The following HTR2C variants were observed in gnomAD, a reference collection of about 807,000 sequenced individuals.
HTR2C encodes the protein 5-hydroxytryptamine receptor 2C.
HTR2C carries 5 observed loss-of-function variants against 21.0 expected under a neutral mutation model. The ratio of observed to expected loss-of-function variants is 0.24; its 90% CI spans 0.12 to 0.50. HTR2C has a LOEUF of 0.50. Among genes scored for constraint, HTR2C ranks in the 20% least tolerant of loss-of-function variants. The pLI, the probability that HTR2C is intolerant of heterozygous loss-of-function variation, is 0.98. For synonymous variants in HTR2C, 150 were observed against 145.3 expected (o/e 1.03, Z -0.23); for missense variants, 271 against 371.2 (o/e 0.73, Z 2.22).
chrX:114,745,701 A>T (rs1298837214), intron 4 of HTR2C, among the ~76,000 whole-genome samples: 1 of 112,067 alleles, frequency 8.9e-6, no homozygotes, highest in East Asian at 2.8e-4. Flanking sequence ...TAATCCAGAC[A>T]CAGGAAGACA....
intron 1 of HTR2C, among the ~76,000 whole-genome samples, chrX:114,598,956 G>T (rs1362885421): frequency 3.0e-5 from 1 of 33,522 alleles, no homozygotes; most frequent in Non-Finnish European, 7.0e-5. Context: ...TGGCAAAACT[G>T]CAGAGAGAAC....
At chrX:114,704,764 A>G (rs1556417672) in intron 2 of HTR2C, among the ~76,000 whole-genome samples, 1 of 109,395 alleles carries the variant, frequency 9.1e-6, no homozygotes. Context: ...AGGACGTCAA[A>G]TTGTCCCTGT....
At chrX:114,782,249 A>G (rs1050306784) in intron 4 of HTR2C, among the ~76,000 whole-genome samples, 1 of 111,252 alleles carries the variant, frequency 9.0e-6, no homozygotes, top group Non-Finnish European at 1.9e-5. Flanking sequence ...ACAGATGAAA[A>G]CAGAGGAACT....
At chrX:114,614,071 G>GAAA (rs1217072844) in intron 2 of HTR2C, among the ~76,000 whole-genome samples, 190 bp downstream of exon 2, 1 of 102,812 alleles carries the variant, frequency 9.7e-6, no homozygotes, top group African/African-American at 3.5e-5. Context: ...AATGCAACCT[G>GAAA]AAAAAAAAAA....
chrX:114,806,462 CACCATATATATAT>C lies in HTR2C; in HGVS notation c.350-41538_350-41526del, dbSNP rs1556449759. On this transcript the variant is annotated intron_variant, in intron 4 of 5. Coordinates refer to ENST00000276198, the MANE Select transcript of HTR2C (RefSeq NM_000868.4). ...CATATATATATACTGTATATATATACACCATATATATATACTGTATATATATACACCATATATA... is the reference window on the plus strand; with the variant it reads ...CATATATATATACTGTATATATATACACTGTATATATATACACCATATATA... Among the ~76,000 whole-genome samples the C allele has an allele frequency of 1.5e-3, 126 of 81,560 alleles. 14 individuals carry two copies. Among genetic ancestry groups the C allele is most frequent in the Middle Eastern group, 0.041 (2 of 49 alleles). 70.8% of individuals were successfully genotyped at this position (81,560 alleles called of 115,157 possible). A position where few individuals can be genotyped will look rare whatever the true frequency, so the allele number is the denominator to read the frequency against.
intron 4 of HTR2C, among the ~76,000 whole-genome samples, chrX:114,836,513 C>G (rs1602860196): frequency 8.9e-6 from 1 of 112,315 alleles, no homozygotes; most frequent in African/African-American, 3.2e-5. Flanking sequence ...AAAGGGAACT[C>G]CCTGACCCCT....
intron 4 of HTR2C, among the ~76,000 whole-genome samples, chrX:114,742,400 A>G (rs1556425462): frequency 9.0e-6 from 1 of 111,180 alleles, no homozygotes; most frequent in Middle Eastern, 4.2e-3. Context: ...TGTGGGACAG[A>G]CTCAAAGCAG....
At chrX:114,721,717 G>A (rs1933224418) in intron 2 of HTR2C, among the ~76,000 whole-genome samples, 1 of 110,244 alleles carries the variant, frequency 9.1e-6, no homozygotes, top group Admixed American at 9.7e-5. Flanking sequence ...AAGGGATCCA[G>A]TTTCAGCTTT....
chrX:114,717,730 G>C (rs1451236453), intron 2 of HTR2C: 4 of 111,692 alleles, frequency 3.6e-5, no homozygotes, highest in African/African-American at 1.3e-4. Flanking sequence ...CAAGGCAAGC[G>C]TTTTCAATAA....
At chrX:114,881,465 A>G (rs1181798746) in intron 5 of HTR2C, among the ~76,000 whole-genome samples, 2 of 106,879 alleles carry the variant, frequency 1.9e-5, no homozygotes, top group African/African-American at 6.8e-5. Context: ...GTACAGTCTT[A>G]CCCCTTACTT....
In HTR2C at chrX:114,807,315, ATC is replaced by A. The variant is rs782244405; in HGVS notation, c.350-40686_350-40685del. On this transcript the variant is annotated intron_variant, in intron 4 of 5. Transcript: ENST00000276198. ...TATATACCATGTATATACACCATAT[ATC>A]TATACCATATATATACACCATGTAT... Among the ~76,000 whole-genome samples the A allele has an allele frequency of 1.6e-3, 16 of 9,774 alleles. 3 individuals are homozygous for A. Among genetic ancestry groups the A allele is most frequent in the Admixed American group, 2.4e-3 (1 of 411 alleles). The allele number at this position is 9,774 out of a possible 115,157, so 8.5% of individuals were successfully genotyped here.
chrX:114,702,585 G>A (rs868912667), intron 2 of HTR2C, among the ~76,000 whole-genome samples: 99 of 111,281 alleles, frequency 8.9e-4, no homozygotes, highest in African/African-American at 2.6e-3. Context: ...AGGAACAACC[G>A]GTACCAGCCG....
chrX:114,736,073 A>G (rs370842171), intron 4 of HTR2C, among the ~76,000 whole-genome samples: 4 of 110,054 alleles, frequency 3.6e-5, no homozygotes, highest in African/African-American at 9.9e-5. Flanking sequence ...AGATCGCGCC[A>G]CTGCACTCCA....
chrX:114,809,164 AC>A (rs2070507076), intron 4 of HTR2C, among the ~76,000 whole-genome samples: 1 of 110,895 alleles, frequency 9.0e-6, no homozygotes, highest in Admixed American at 9.6e-5. Flanking sequence ...TTAGGAATCT[AC>A]CTGGTGCTCT....
chrX:114,595,732 A>G (rs1294146990), intron 1 of HTR2C, among the ~76,000 whole-genome samples: 3 of 111,501 alleles, frequency 2.7e-5, no homozygotes, highest in African/African-American at 9.8e-5. Context: ...TTCTACAAAG[A>G]ATCAGACATT....
At chrX:114,585,334 AGAG>A (rs1421560981) in intron 1 of HTR2C, among the ~76,000 whole-genome samples, 1 of 111,610 alleles carries the variant, frequency 9.0e-6, no homozygotes, top group African/African-American at 3.3e-5. Flanking sequence ...CGTAAGCTTA[AGAG>A]GAGAGGATAA....
At chrX:114,793,648 G>A (rs1556444289) in intron 4 of HTR2C, among the ~76,000 whole-genome samples, 1 of 110,486 alleles carries the variant, frequency 9.1e-6, no homozygotes, top group Non-Finnish European at 1.9e-5. Context: ...TGAAAGTCAG[G>A]AGATCTGGTA....
At chrX:114,840,306 C>T (rs2070822648) in intron 4 of HTR2C, among the ~76,000 whole-genome samples, 1 of 107,962 alleles carries the variant, frequency 9.3e-6, no homozygotes, top group African/African-American at 3.4e-5. Flanking sequence ...AAATGGAAAA[C>T]CTCAGAAGAT....
chrX:114,754,772 A>T lies in HTR2C; in HGVS notation c.349+23165A>T, dbSNP rs1176235864. Reference sequence around the variant, plus strand: ...CAATCCATAAAATGTAAAAATGTGTAAATTGGACTTTATCAAAATGAAAAA... The same window carrying T: ...CAATCCATAAAATGTAAAAATGTGTTAATTGGACTTTATCAAAATGAAAAA... On this transcript the variant is annotated intron_variant, in intron 4 of 5. Coordinates refer to ENST00000276198, the MANE Select transcript of HTR2C (RefSeq NM_000868.4). 3.6e-5 allele frequency among the ~76,000 whole-genome samples: 4 copies of T among 112,015 alleles called. No individual in the cohort carries two copies. The East Asian group carries it at 1.1e-3, about 31-fold the overall frequency.
Sources: gnomAD v4.1 joint callset for allele counts (sites outside exome capture counted in the v4.1 genomes callset) on GRCh38, gnomAD v4.1.1 for gene constraint, MANE v1.5 for transcripts, NCBI Gene and HGNC (gene_info 2026-07-23, HGNC 2026-07-21) for gene names.